Variants in BIRC2 observed in about 807,000 individuals in gnomAD.
BIRC2 encodes the protein baculoviral IAP repeat-containing protein 2.
BIRC2 carries 18 observed loss-of-function variants against 60.9 expected under a neutral mutation model. That is an observed-to-expected ratio of 0.30 (90% CI 0.20 to 0.44). The LOEUF (loss-of-function observed/expected upper bound fraction) is 0.44, where lower values mean the gene tolerates loss of function less well. Among genes scored for constraint, BIRC2 ranks in the 20% least tolerant of loss-of-function variants. The probability of loss-of-function intolerance (pLI) is 1.00; values close to 1 mark genes in which losing one functional copy is unlikely to be tolerated. For synonymous variants in BIRC2, 282 were observed against 247.7 expected (o/e 1.14, Z -1.30); for missense variants, 701 against 728.5 (o/e 0.96, Z 0.43).
rs1239474511 is a variant in BIRC2 at position 102,349,166 on chromosome 11, A to C, written c.-689A>C. On this transcript the variant is annotated 5_prime_UTR_variant, in exon 2 of 9. Coordinates refer to ENST00000227758, the MANE Select transcript of BIRC2 (RefSeq NM_001166.5). Reference sequence around the variant, plus strand: ...AAGCCAAATTCATTTGACATCAAGCACTATAGCAGGCACAGGTTCAACAAA... The same window carrying C: ...AAGCCAAATTCATTTGACATCAAGCCCTATAGCAGGCACAGGTTCAACAAA... 1 of 152,480 alleles carries C rather than the reference A, an allele frequency of 6.6e-6. No individual in the cohort carries two copies. The highest frequency in any genetic ancestry group is 1.5e-5 in the Non-Finnish European group (1 of 68,210). 9.4% of individuals were successfully genotyped at this position (152,480 alleles called of 1,614,324 possible). A position where few individuals can be genotyped will look rare whatever the true frequency, so the allele number is the denominator to read the frequency against.
intron 3 of BIRC2, among the ~76,000 whole-genome samples, chr11:102,351,634 A>AG (rs1252690873): frequency 1.3e-5 from 2 of 149,964 alleles, no homozygotes; most frequent in African/African-American, 2.5e-5. Flanking sequence ...AAAAAAAAAA[A>AG]AAAGAAAAAA....
rs1951348271 is a variant in BIRC2 at position 102,350,620 on chromosome 11, ACT to A, written c.769_770del (p.Leu257GlufsTer3). 4 of 1,613,950 alleles carry A rather than the reference ACT, an allele frequency of 2.5e-6. No individual in the cohort carries two copies. The highest frequency in any genetic ancestry group is 1.3e-5 in the African/African-American group (1 of 74,876). ...TCCATTTTTGGAAAATTCTCTAGAAACTCTGAGGTTTAGCATTTCAAATCTGA... is the reference window on the plus strand; with the variant it reads ...TCCATTTTTGGAAAATTCTCTAGAAACTGAGGTTTAGCATTTCAAATCTGA... ...NCPFLENSLE[T>X]LRFSISNLSM... On this transcript the variant is annotated frameshift_variant, in exon 2 of 9. Transcript: ENST00000227758. LOFTEE classifies it high-confidence loss of function.
Position 102,350,622 on chromosome 11 carries a change from T to A in BIRC2, c.768T>A (p.Thr256=). 6.2e-7 allele frequency: 1 copy of A among 1,614,120 alleles called. No homozygotes were observed. Among genetic ancestry groups the A allele is most frequent in the Admixed American group, 1.7e-5 (1 of 60,008 alleles). Reference sequence around the variant, plus strand: ...CATTTTTGGAAAATTCTCTAGAAACTCTGAGGTTTAGCATTTCAAATCTGA... The same window carrying A: ...CATTTTTGGAAAATTCTCTAGAAACACTGAGGTTTAGCATTTCAAATCTGA... The part of the protein sequence containing the change: ...NCPFLENSLE[T]LRFSISNLSM... The change falls in exon 2 of 9, where the codon ACT becomes ACA. Residue 256 remains threonine (T), a synonymous_variant. Coordinates refer to ENST00000227758, the MANE Select transcript of BIRC2 (RefSeq NM_001166.5).
At chr11:102,377,290 G>A (rs1361923483) in intron 6 of BIRC2, among the ~76,000 whole-genome samples, 1 of 152,164 alleles carries the variant, frequency 6.6e-6, no homozygotes, top group Non-Finnish European at 1.5e-5. Context: ...TCTAGGACAT[G>A]TAAATATATA....
intron 6 of BIRC2, among the ~76,000 whole-genome samples, chr11:102,376,585 A>T (rs1194105638): frequency 6.6e-6 from 1 of 152,210 alleles, no homozygotes; most frequent in Non-Finnish European, 1.5e-5. Flanking sequence ...AATGATTCAG[A>T]TACCAAAAGA....
At position 102,349,307 on chromosome 11, in the gene BIRC2, A is replaced by G. The variant is rs1189149686; in HGVS notation, c.-548A>G. 1 of 152,446 alleles carries G rather than the reference A, an allele frequency of 6.6e-6. No individual in the cohort carries two copies. Among genetic ancestry groups the G allele is most frequent in the African/African-American group, 2.4e-5 (1 of 41,444 alleles). 9.4% of individuals were successfully genotyped at this position (152,446 alleles called of 1,614,324 possible). On this transcript the variant is annotated 5_prime_UTR_variant, in exon 2 of 9. Transcript: ENST00000227758. Reference sequence around the variant, plus strand: ...AGCTTTTAAATAGTGTGACCATATGAAGGTTTTAATTACTTTTGTTTATTG... The same window carrying G: ...AGCTTTTAAATAGTGTGACCATATGGAGGTTTTAATTACTTTTGTTTATTG...
chr11:102,375,139 C>A (rs565664166), intron 6 of BIRC2, among the ~76,000 whole-genome samples: 2 of 152,332 alleles, frequency 1.3e-5, no homozygotes, highest in African/African-American at 4.8e-5. Flanking sequence ...GCGTCGCTCA[C>A]GCTGGGAGCT....
At position 102,348,752 on chromosome 11, in the gene BIRC2, T is replaced by G. The variant is rs1951319015; in HGVS notation, c.-1103T>G. ...TTATATTTTTAAAACATTGAAGAGTTTTCAGAAAGAAGGCTAGTAGAGTTG... is the reference window on the plus strand; with the variant it reads ...TTATATTTTTAAAACATTGAAGAGTGTTCAGAAAGAAGGCTAGTAGAGTTG... On this transcript the variant is annotated 5_prime_UTR_variant, in exon 2 of 9. Transcript: ENST00000227758. 4 of 393,376 alleles carry G rather than the reference T, an allele frequency of 1.0e-5. No individual in the cohort carries two copies. The highest frequency in any genetic ancestry group is 1.5e-5 in the Non-Finnish European group (3 of 201,902). The allele number at this position is 393,376 out of a possible 1,614,324, so 24.4% of individuals were successfully genotyped here. A position where few individuals can be genotyped will look rare whatever the true frequency, so the allele number is the denominator to read the frequency against.
At chr11:102,350,783 T>G (rs1037710437) in intron 2 of BIRC2, 34 bp downstream of exon 2, 1 of 1,601,008 alleles carries the variant, frequency 6.2e-7, no homozygotes, top group African/African-American at 1.4e-5. Flanking sequence ...TTTATCATTT[T>G]ATTTTAATTT....
At chr11:102,350,810 G>A (rs374823193) in intron 2 of BIRC2, 34 bp from the exon 3 acceptor site, 44 of 1,610,408 alleles carry the variant, frequency 2.7e-5, no homozygotes, top group Non-Finnish European at 3.1e-5. Context: ...TAGAACATAC[G>A]TGTTTTCAAT....
In BIRC2 at chr11:102,350,357, A is replaced by G. The variant is rs777657382; in HGVS notation, c.503A>G (p.Asp168Gly). 9.3e-6 allele frequency: 15 copies of G among 1,614,232 alleles called. No individual in the cohort carries two copies. In the Admixed American group the frequency reaches 2.2e-4, roughly 23 times the overall value. Residue 168 changes from aspartate to glycine, a missense_variant, in exon 2 of 9, where the codon GAC becomes GGC. Around this residue, in one of 4 missense-constraint regions of BIRC2, gnomAD observed 375 missense variants for 365.9 expected, o/e 1.02. Transcript: ENST00000227758. ...PNPLNSRAVE[D>G]ISSSRTNPYS... Reference sequence around the variant, plus strand: ...CCTCTTAATTCTAGAGCAGTTGAAGACATCTCTTCATCGAGGACTAACCCC... The same window carrying G: ...CCTCTTAATTCTAGAGCAGTTGAAGGCATCTCTTCATCGAGGACTAACCCC...
Position 102,371,934 on chromosome 11 carries a change from G to A in BIRC2, c.1366+3386G>A, listed in dbSNP as rs1277614048. 4.6e-5 allele frequency among the ~76,000 whole-genome samples: 7 copies of A among 152,242 alleles called. No homozygotes were observed. In the East Asian group the frequency reaches 1.2e-3, roughly 25 times the overall value. ...TTGAGGAATTTATCCATTTCTTCTA[G>A]ATTTTCTAGTTTATTTGTGTAGAGG... On this transcript the variant is annotated intron_variant, in intron 6 of 8. Transcript: ENST00000227758.
rs542352488 is a variant in BIRC2 at position 102,375,011 on chromosome 11, T to C, written c.1367-2485T>C. ...GGGCTTCCCAAGTGTGGCAATGCCT[T>C]GCCCTGCTTCGGTTTGCACACGGTG... On this transcript the variant is annotated intron_variant, in intron 6 of 8. Coordinates refer to ENST00000227758, the MANE Select transcript of BIRC2 (RefSeq NM_001166.5). Among the ~76,000 whole-genome samples, 5 of 152,362 alleles carry C rather than the reference T, an allele frequency of 3.3e-5. No homozygotes were observed. In the South Asian group the frequency reaches 6.2e-4, roughly 19 times the overall value.
At chr11:102,374,956 T>G (rs1172963336) in intron 6 of BIRC2, among the ~76,000 whole-genome samples, 1 of 152,212 alleles carries the variant, frequency 6.6e-6, no homozygotes, top group African/African-American at 2.4e-5. Context: ...CCCCTTTCTT[T>G]GACTCGGAAA....
chr11:102,364,711 A>G (rs977908362), intron 5 of BIRC2, among the ~76,000 whole-genome samples: 6 of 152,238 alleles, frequency 3.9e-5, no homozygotes, highest in African/African-American at 1.4e-4. Context: ...AAGGTGACCA[A>G]GATGTATGAG....
chr11:102,349,935 C>A lies in BIRC2; in HGVS notation c.81C>A (p.Ile27=). The change falls in exon 2 of 9, where the codon ATC becomes ATA. Residue 27 remains isoleucine, a synonymous_variant. Coordinates refer to ENST00000227758, the MANE Select transcript of BIRC2 (RefSeq NM_001166.5). ...NIKSIMEDST[I]LSDWTNSNKQ... ...AGAGTATAATGGAAGATAGCACGAT[C>A]TTGTCAGATTGGACAAACAGCAACA... 6.2e-7 allele frequency: 1 copy of A among 1,614,206 alleles called. No homozygotes were observed. Among genetic ancestry groups the A allele is most frequent in the South Asian group, 1.1e-5 (1 of 91,086 alleles).
chr11:102,356,491 C>T (rs191767535), intron 3 of BIRC2, among the ~76,000 whole-genome samples: 56 of 151,292 alleles, frequency 3.7e-4, no homozygotes, highest in African/African-American at 8.7e-4. Context: ...CCACTGCACC[C>T]GGCCAGCTTT....
chr11:102,356,044 CAGAG>C (rs1951415589), intron 3 of BIRC2, among the ~76,000 whole-genome samples: 1 of 152,130 alleles, frequency 6.6e-6, no homozygotes, highest in Non-Finnish European at 1.5e-5. Flanking sequence ...CATCTGCAAA[CAGAG>C]AGTTTGACTT....
At position 102,377,746 on chromosome 11, in the gene BIRC2, A is replaced by G; in HGVS notation, c.1617A>G (p.Leu539=). 1.3e-6 allele frequency: 2 copies of G among 1,595,752 alleles called. No individual in the cohort carries two copies. Among genetic ancestry groups the G allele is most frequent in the African/African-American group, 2.7e-5 (2 of 73,524 alleles). Residue 539 remains leucine (L), a synonymous_variant, in exon 7 of 9, where the codon TTA becomes TTG. Coordinates refer to ENST00000227758, the MANE Select transcript of BIRC2 (RefSeq NM_001166.5). ...KEIDSTLYKN[L]FVDKNMKYIP... is the part of the protein sequence containing the mutation. The stretch of plus-strand genomic sequence containing the variant: ...TTGACTCTACATTGTATAAGAACTT[A>G]TTTGGTGAGTTTGTTGGGAAAATTA...
Sources: gnomAD v4.1 joint callset for allele counts (sites outside exome capture counted in the v4.1 genomes callset) on GRCh38, gnomAD v4.1.1 for gene constraint, gnomAD v4.1.1 regional missense constraint, MANE v1.5 for transcripts, NCBI Gene and HGNC (gene_info 2026-07-23, HGNC 2026-07-21) for gene names.